Variants in KCTD3 observed in about 807,000 individuals in gnomAD.
KCTD3 encodes the protein BTB/POZ domain-containing protein KCTD3.
Under a neutral mutation model 85.8 loss-of-function variants are expected in KCTD3, and 41 were observed. The ratio of observed to expected loss-of-function variants is 0.48; its 90% CI spans 0.37 to 0.62. The LOEUF is 0.62. Ranked by LOEUF, KCTD3 falls within the 20% of genes least tolerant of loss-of-function variation. KCTD3 has a pLI of 0.00. For missense variants in KCTD3, 724 were observed against 989.9 expected (o/e 0.73, Z 3.60); for synonymous variants, 338 against 345.4 (o/e 0.98, Z 0.24).
chr1:215,577,276 G>T (rs904466917), intron 4 of KCTD3, among the ~76,000 whole-genome samples: 1 of 152,032 alleles, frequency 6.6e-6, no homozygotes, highest in Non-Finnish European at 1.5e-5. Context: ...TGTAATTGGG[G>T]AGATTAAGAT....
intron 10 of KCTD3, among the ~76,000 whole-genome samples, chr1:215,599,575 A>G (rs1425055267): frequency 6.6e-6 from 1 of 152,184 alleles, no homozygotes; most frequent in Non-Finnish European, 1.5e-5. Context: ...ATGCATACTA[A>G]TCAGTATGGT....
intron 15 of KCTD3, among the ~76,000 whole-genome samples, chr1:215,613,593 A>G (rs112254931): frequency 3.7e-4 from 57 of 152,088 alleles, no homozygotes; most frequent in African/African-American, 1.3e-3. Context: ...GTCCAGGTTG[A>G]TATTTCCTAG....
chr1:215,572,106 C>T (rs1659392471), intron 1 of KCTD3, among the ~76,000 whole-genome samples: 1 of 152,198 alleles, frequency 6.6e-6, no homozygotes, highest in Non-Finnish European at 1.5e-5. Flanking sequence ...TGTGTGTCAA[C>T]ACCAGTGTAT....
In KCTD3 at chr1:215,611,892, A is replaced by G. The variant is rs1655248193; in HGVS notation, c.1533A>G (p.Leu511=). ...IQKVVPITNK[L]FVRLSSTGKR... is the part of the protein sequence containing the mutation. ...AAGTTGTTCCCATCACCAACAAACT[A>G]TTTGTAAGACTCTCATCGACTGGAA... The change falls in exon 15 of 18, where the codon CTA becomes CTG. Residue 511 remains leucine (L), a synonymous_variant. Coordinates refer to ENST00000259154, the MANE Select transcript of KCTD3 (RefSeq NM_016121.5). 1 of 1,607,748 alleles carries G rather than the reference A, an allele frequency of 6.2e-7. No individual in the cohort carries two copies. The highest frequency in any genetic ancestry group is 8.5e-7 in the Non-Finnish European group (1 of 1,175,324).
chr1:215,612,720 G>A (rs1655277213), intron 15 of KCTD3, among the ~76,000 whole-genome samples: 1 of 151,946 alleles, frequency 6.6e-6, no homozygotes, highest in African/African-American at 2.4e-5. Context: ...TATAAAATAA[G>A]GTTCAACGAC....
chr1:215,609,088 A>G (rs1463204244), intron 14 of KCTD3, among the ~76,000 whole-genome samples: 1 of 151,972 alleles, frequency 6.6e-6, no homozygotes, highest in Non-Finnish European at 1.5e-5. Context: ...GTCAAAAAGA[A>G]CCCGGAGGAG....
rs571239395 is a variant in KCTD3, at chr1:215,603,160, A to T, written c.1138+959A>T. Among the ~76,000 whole-genome samples, 14 of 152,086 alleles carry T rather than the reference A, an allele frequency of 9.2e-5. No homozygotes were observed. The South Asian group carries it at 2.5e-3, about 27-fold the overall frequency. ...AGAATGAGCTGTGGATTTTTTTTTT[A>T]AATCTAGTTAAAAGGCAGGCATAAA... On this transcript the variant is annotated intron_variant, in intron 12 of 17. Coordinates refer to ENST00000259154, the MANE Select transcript of KCTD3 (RefSeq NM_016121.5).
At position 215,604,162 on chromosome 1, in the gene KCTD3, A is replaced by G. The variant is rs1331054313; in HGVS notation, c.1169A>G (p.Tyr390Cys). The part of the protein sequence containing the change: ...SVSGNWIEIA[Y>C]GTSSGAVRVI... The stretch of plus-strand genomic sequence containing the variant: ...AGTGGTAACTGGATCGAGATCGCCT[A>G]TGGTACGAGCTCTGGAGCAGTACGA... The change falls in exon 13 of 18, where the codon TAT (tyrosine) becomes TGT (cysteine). Residue 390 changes from tyrosine to cysteine, a missense_variant. This residue lies in a region of KCTD3 where 146 missense variants were observed against 320.3 expected (regional missense o/e 0.46). Transcript: ENST00000259154. 1.2e-6 allele frequency: 2 copies of G among 1,613,466 alleles called. No homozygotes were observed. Among genetic ancestry groups the G allele is most frequent in the Non-Finnish European group, 1.7e-6 (2 of 1,179,708 alleles).
At chr1:215,596,820 C>T (rs1660431860) in intron 10 of KCTD3, among the ~76,000 whole-genome samples, 1 of 152,008 alleles carries the variant, frequency 6.6e-6, no homozygotes, top group Non-Finnish European at 1.5e-5. Context: ...ACACTTGTAG[C>T]TAGAGAGGAG....
intron 1 of KCTD3, 25 bp from the exon 2 acceptor site, chr1:215,573,761 A>T (rs775363636): frequency 7.1e-7 from 1 of 1,410,744 alleles, no homozygotes; most frequent in East Asian, 2.3e-5. Context: ...TCTCACTTAT[A>T]ATACCAGATG....
At chr1:215,610,611 A>C (rs1375904022) in intron 14 of KCTD3, among the ~76,000 whole-genome samples, 1 of 152,008 alleles carries the variant, frequency 6.6e-6, no homozygotes, top group Non-Finnish European at 1.5e-5. Context: ...TTATTGAATG[A>C]GGATTGTCAT....
chr1:215,616,403 GA>G (rs1179629782), intron 15 of KCTD3, among the ~76,000 whole-genome samples: 1 of 152,036 alleles, frequency 6.6e-6, no homozygotes, highest in Admixed American at 6.5e-5. Context: ...TAAAAAAAGG[GA>G]AATTTTAAAA....
intron 13 of KCTD3, 106 bp downstream of exon 13, chr1:215,604,408 A>G: frequency 1.2e-6 from 1 of 852,434 alleles, no homozygotes; most frequent in Non-Finnish European, 1.8e-6. Flanking sequence ...TAAAAGAAGT[A>G]CTAGAAAAGT....
In KCTD3 at chr1:215,621,072, A is replaced by G. The variant is rs3767252; in HGVS notation, c.*454A>G. ...TCTCCCAACACTTATTGTGATTGCA[A>G]AGTGTTTACCAGATATTTGATGAGG... On this transcript the variant is annotated 3_prime_UTR_variant, in exon 18 of 18. Transcript: ENST00000259154. 977 of 160,570 alleles carry G rather than the reference A, an allele frequency of 6.1e-3. 25 individuals carry two copies. In the South Asian group the frequency reaches 0.071, roughly 12 times the overall value. 9.9% of individuals were successfully genotyped at this position (160,570 alleles called of 1,614,324 possible).
chr1:215,582,234 C>A (rs975983744), intron 8 of KCTD3, among the ~76,000 whole-genome samples: 5 of 152,096 alleles, frequency 3.3e-5, no homozygotes, highest in Non-Finnish European at 7.4e-5. Flanking sequence ...AATCTGATAG[C>A]CCATTTTATC....
Position 215,620,381 on chromosome 1 carries a change from A to G in KCTD3, c.2211A>G (p.Glu737=), listed in dbSNP as rs750572725. The G allele has an allele frequency of 6.2e-7, 1 of 1,612,894 alleles. No homozygotes were observed. Among genetic ancestry groups the G allele is most frequent in the Non-Finnish European group, 8.5e-7 (1 of 1,179,590 alleles). ...EVHKIAEGFS[E]SKKRSSEDEN... is the part of the protein sequence containing the mutation. ...ATAAAATAGCTGAAGGTTTTTCAGA[A>G]TCCAAGAAAAGGTCATCAGAAGATG... The change falls in exon 18 of 18, where the codon GAA becomes GAG. Residue 737 remains glutamate (E), a synonymous_variant. Coordinates refer to ENST00000259154, the MANE Select transcript of KCTD3 (RefSeq NM_016121.5).
intron 14 of KCTD3, among the ~76,000 whole-genome samples, chr1:215,610,697 G>A (rs1286522157): frequency 1.3e-5 from 2 of 152,040 alleles, no homozygotes; most frequent in East Asian, 1.9e-4. Context: ...AGCCAGACAG[G>A]TTTGTTTGAA....
intron 1 of KCTD3, among the ~76,000 whole-genome samples, chr1:215,571,659 C>T (rs1659373241): frequency 6.9e-6 from 1 of 144,896 alleles, no homozygotes; most frequent in Non-Finnish European, 1.5e-5. Flanking sequence ...GAGACGGAGT[C>T]TCGCTTTGTC....
chr1:215,613,100 A>G (rs980565110), intron 15 of KCTD3, among the ~76,000 whole-genome samples: 1 of 152,208 alleles, frequency 6.6e-6, no homozygotes, highest in African/African-American at 2.4e-5. Context: ...TGTGTAACAG[A>G]CCTGCACATC....
Sources: allele counts gnomAD v4.1 joint callset (sites outside exome capture counted in the v4.1 genomes callset), GRCh38; gene constraint gnomAD v4.1.1; regional missense constraint gnomAD v4.1.1; transcripts MANE v1.5; gene names NCBI Gene and HGNC (gene_info 2026-07-23, HGNC 2026-07-21).